CLTCL1: variants seen among roughly 807,000 people sequenced by gnomAD.
CLTCL1 encodes clathrin heavy chain like 1.
Under a neutral mutation model 190.0 loss-of-function variants are expected in CLTCL1, and 159 were observed. That is an observed-to-expected ratio of 0.84 (90% CI 0.74 to 0.95). The LOEUF (loss-of-function observed/expected upper bound fraction) is 0.95. Among genes scored for constraint, CLTCL1 ranks in the 40% least tolerant of loss-of-function variants. The pLI, the probability that CLTCL1 is intolerant of heterozygous loss-of-function variation, is 0.00. For synonymous variants in CLTCL1, 752 were observed against 769.6 expected (o/e 0.98, Z 0.38); for missense variants, 1,878 against 2,033.4 (o/e 0.92, Z 1.47).
chr22:19,276,844 AT>A lies in CLTCL1; in HGVS notation c.43-1015del, dbSNP rs782062458. ...GCCACCACGCCTGGCTATTTTTTGTATTTTTTTTTAGTAGAGACGGGGTTTC... is the reference window on the plus strand; with the variant it reads ...GCCACCACGCCTGGCTATTTTTTGTATTTTTTTTAGTAGAGACGGGGTTTC... On this transcript the variant is annotated intron_variant, in intron 1 of 32. Transcript: ENST00000427926. Among the ~76,000 whole-genome samples, 5 of 149,988 alleles carry A rather than the reference AT, an allele frequency of 3.3e-5. No individual in the cohort carries two copies. In the South Asian group the frequency reaches 8.5e-4, roughly 25 times the overall value.
intron 1 of CLTCL1, among the ~76,000 whole-genome samples, chr22:19,286,290 C>T (rs2087903861): frequency 6.6e-6 from 1 of 152,200 alleles, no homozygotes. Context: ...CCCTCGCAGA[C>T]ACCCTGGCTG....
intron 26 of CLTCL1, among the ~76,000 whole-genome samples, chr22:19,193,051 C>T (rs2084567501): frequency 6.6e-6 from 1 of 152,208 alleles, no homozygotes; most frequent in African/African-American, 2.4e-5. Context: ...GGCGAATCAC[C>T]TCCTCAAAGC....
intron 24 of CLTCL1, among the ~76,000 whole-genome samples, chr22:19,199,064 C>T (rs73160211): frequency 4.9e-4 from 75 of 152,278 alleles, no homozygotes; most frequent in Non-Finnish European, 8.8e-4. Flanking sequence ...CAACGTCTCA[C>T]ATAGTGAGGG....
intron 26 of CLTCL1, among the ~76,000 whole-genome samples, chr22:19,195,536 T>C (rs996841811): frequency 1.2e-5 from 1 of 85,094 alleles, no homozygotes; most frequent in African/African-American, 5.9e-5. Flanking sequence ...AAGCCGACTG[T>C]GACAAGTTAG....
At chr22:19,242,628 T>A in intron 4 of CLTCL1, 147 bp downstream of exon 4, 1 of 881,028 alleles carries the variant, frequency 1.1e-6, no homozygotes, top group Admixed American at 2.3e-5. Flanking sequence ...CACTTAATCA[T>A]GTGCATCACG....
chr22:19,207,257 T>G (rs1437764320), intron 22 of CLTCL1, among the ~76,000 whole-genome samples: 1 of 152,134 alleles, frequency 6.6e-6, no homozygotes, highest in African/African-American at 2.4e-5. Context: ...CCTCAGGTGA[T>G]CCACCCGCCT....
chr22:19,226,015 A>G (rs2085730689), intron 12 of CLTCL1, among the ~76,000 whole-genome samples: 1 of 152,240 alleles, frequency 6.6e-6, no homozygotes, highest in South Asian at 2.1e-4. Flanking sequence ...GAAAGGTGCT[A>G]CAGGGCCCAG....
intron 24 of CLTCL1, among the ~76,000 whole-genome samples, chr22:19,197,718 C>T (rs539160822): frequency 6.6e-6 from 1 of 152,292 alleles, no homozygotes; most frequent in African/African-American, 2.4e-5. Context: ...CCCTGCCATC[C>T]TGCTGTCTGC....
In CLTCL1 at chr22:19,187,836, G is replaced by A. The variant is rs529186334; in HGVS notation, c.4435-108C>T. 5 of 1,369,674 alleles carry A rather than the reference G, an allele frequency of 3.7e-6. No homozygotes were observed. In the South Asian group the frequency reaches 6.2e-5, roughly 17 times the overall value. The allele number at this position is 1,369,674 out of a possible 1,614,324, so 84.8% of individuals were successfully genotyped here. ...GGCTGTTGCTATCAGCACAGCCTTA[G>A]AAAGGCCCCTGCCCATATATCCACT... On this transcript the variant is annotated intron_variant, in intron 28 of 32. Transcript: ENST00000427926.
At chr22:19,232,780 T>C (rs2085956603) in intron 9 of CLTCL1, 182 bp from the exon 10 acceptor site, 4 of 822,186 alleles carry the variant, frequency 4.9e-6, no homozygotes, top group Non-Finnish European at 5.5e-6. Context: ...TTAATGTACA[T>C]GGAAGGCACA....
chr22:19,291,719 C>CG (rs1412857216), upstream of CLTCL1: 29 of 1,278,474 alleles, frequency 2.3e-5, no homozygotes, highest in Non-Finnish European at 2.9e-5. Flanking sequence ...TGACCGGTGG[C>CG]GACGGCGCAG....
chr22:19,185,326 C>CTTT lies in CLTCL1; in HGVS notation c.4606-1718_4606-1716dup, dbSNP rs58151537. Among the ~76,000 whole-genome samples the CTTT allele has an allele frequency of 4.9e-5, 7 of 143,886 alleles. No individual in the cohort carries two copies. The South Asian group carries it at 8.8e-4, about 18-fold the overall frequency. The allele number at this position is 143,886 out of a possible 152,430, so 94.4% of individuals were successfully genotyped here. A position where few individuals can be genotyped will look rare whatever the true frequency, so the allele number is the denominator to read the frequency against. On this transcript the variant is annotated intron_variant, in intron 29 of 32. Coordinates refer to ENST00000427926, the MANE Select transcript of CLTCL1 (RefSeq NM_007098.4). ...TGGGGGAAGCGCGCTCGGCCACTTT[C>CTTT]TTTTTTTTTTTTTTTCTTGAGACGG... is the stretch of plus-strand genomic sequence containing the variant.
At chr22:19,249,296 T>C (rs1008268454) in intron 3 of CLTCL1, among the ~76,000 whole-genome samples, 1 of 151,848 alleles carries the variant, frequency 6.6e-6, no homozygotes, top group Non-Finnish European at 1.5e-5. Flanking sequence ...GAGGTGGAGG[T>C]TGCAGTGAGC....
rs200864527 is a variant in CLTCL1 at position 19,180,818 on chromosome 22, C to T, written c.4828-12G>A. 3.1e-6 allele frequency: 5 copies of T among 1,613,502 alleles called. No homozygotes were observed. The African/African-American group carries it at 5.3e-5, about 17-fold the overall frequency. ...TCCAGTTTGTCCACCTGCAAGGAGG[C>T]AAAAGCACGTGAGCACCCGCTTGAC... On this transcript the variant is annotated splice_polypyrimidine_tract_variant and intron_variant, in intron 30 of 32. Coordinates refer to ENST00000427926, the MANE Select transcript of CLTCL1 (RefSeq NM_007098.4).
At chr22:19,220,030 T>G (rs782150458) in intron 17 of CLTCL1, 23 bp from the exon 18 acceptor site, 3 of 1,613,616 alleles carry the variant, frequency 1.9e-6, no homozygotes, top group Admixed American at 3.3e-5. Flanking sequence ...CACTCATGTG[T>G]GTGACACAGC....
intron 4 of CLTCL1, among the ~76,000 whole-genome samples, chr22:19,240,740 G>A (rs1477765670): frequency 6.6e-6 from 1 of 152,202 alleles, no homozygotes; most frequent in African/African-American, 2.4e-5. Flanking sequence ...TAAGTCAGAT[G>A]TGGGACTTGT....
At chr22:19,196,691 A>C in intron 24 of CLTCL1, 35 bp from the exon 25 acceptor site, 1 of 1,589,720 alleles carries the variant, frequency 6.3e-7, no homozygotes, top group Non-Finnish European at 8.6e-7. Context: ...GGGCAGAGTG[A>C]TTGCATGCCT....
At chr22:19,219,746 A>G in intron 18 of CLTCL1, 139 bp downstream of exon 18, 3 of 1,285,846 alleles carry the variant, frequency 2.3e-6, no homozygotes, top group Admixed American at 4.6e-5. Context: ...TCCGCCTCCC[A>G]AATTGCTGGC....
chr22:19,184,808 G>A (rs1780641), intron 29 of CLTCL1: 8 of 334,980 alleles, frequency 2.4e-5, no homozygotes, highest in Non-Finnish European at 4.7e-5. Context: ...CCGCTCCTGC[G>A]GCCTGGAGCC....
Sources: allele counts gnomAD v4.1 joint callset (sites outside exome capture counted in the v4.1 genomes callset), GRCh38; gene constraint gnomAD v4.1.1; transcripts MANE v1.5; gene names NCBI Gene and HGNC (gene_info 2026-07-23, HGNC 2026-07-21).